The following TBC1D9 variants were observed in gnomAD, a reference collection of about 807,000 sequenced individuals.
TBC1D9 encodes the protein TBC1 domain family member 9A.
Under a neutral mutation model 132.0 loss-of-function variants are expected in TBC1D9, and 63 were observed. The ratio of observed to expected loss-of-function variants is 0.48; its 90% CI spans 0.39 to 0.59. The LOEUF (loss-of-function observed/expected upper bound fraction) is 0.59, where lower values mean the gene tolerates loss of function less well. TBC1D9 is among the 20% of genes least tolerant of loss of function. The pLI, the probability that TBC1D9 is intolerant of heterozygous loss-of-function variation, is 0.00. For missense variants in TBC1D9, 1,261 were observed against 1,592.7 expected, an observed-to-expected ratio of 0.79 and a Z score of 3.54; for synonymous variants, 610 against 609.9, an observed-to-expected ratio of 1.00 and a Z score of 0.00.
intron 2 of TBC1D9, among the ~76,000 whole-genome samples, chr4:140,696,509 T>C (rs957978481): frequency 1.4e-5 from 2 of 147,998 alleles, no homozygotes; most frequent in Non-Finnish European, 3.0e-5. Flanking sequence ...GAAAATAATG[T>C]CTCATCAAAT....
intron 11 of TBC1D9, among the ~76,000 whole-genome samples, chr4:140,659,117 A>G (rs1286070250): frequency 6.6e-6 from 1 of 152,228 alleles, no homozygotes; most frequent in African/African-American, 2.4e-5. Flanking sequence ...TTAAATCCTC[A>G]AAACAGGTGT....
intron 13 of TBC1D9, among the ~76,000 whole-genome samples, chr4:140,654,020 A>C (rs1737228094): frequency 6.6e-6 from 1 of 152,274 alleles, no homozygotes; most frequent in Non-Finnish European, 1.5e-5. Context: ...AAAAAAGCTG[A>C]GTTGCCACAT....
intron 1 of TBC1D9, among the ~76,000 whole-genome samples, chr4:140,713,223 C>A (rs905380217): frequency 3.9e-5 from 6 of 152,024 alleles, no homozygotes; most frequent in Admixed American, 2.0e-4. Context: ...CAGGTGTGAG[C>A]CGCCTCATGG....
At chr4:140,662,488 CT>C (rs1179371103) in intron 9 of TBC1D9, among the ~76,000 whole-genome samples, 1 of 152,196 alleles carries the variant, frequency 6.6e-6, no homozygotes, top group African/African-American at 2.4e-5. Context: ...ACCCCAGCAG[CT>C]TTGCTTTTAT....
intron 7 of TBC1D9, 89 bp from the exon 8 acceptor site, chr4:140,669,893 A>G: frequency 7.7e-7 from 1 of 1,292,766 alleles, no homozygotes; most frequent in East Asian, 2.4e-5. Context: ...ATCAAAAGCT[A>G]CATCATTTTT....
At chr4:140,678,126 C>T (rs1425963263) in intron 5 of TBC1D9, among the ~76,000 whole-genome samples, 1 of 152,188 alleles carries the variant, frequency 6.6e-6, no homozygotes, top group Non-Finnish European at 1.5e-5. Context: ...TGATCCGCTG[C>T]AGTAGCAGCA....
At chr4:140,660,995 A>T (rs1392030110) in intron 10 of TBC1D9, among the ~76,000 whole-genome samples, 1 of 151,818 alleles carries the variant, frequency 6.6e-6, no homozygotes, top group Non-Finnish European at 1.5e-5. Context: ...GCTCATTGCA[A>T]GCTCCACCTC....
chr4:140,746,162 C>T (rs1738833127), intron 1 of TBC1D9, among the ~76,000 whole-genome samples: 1 of 152,140 alleles, frequency 6.6e-6, no homozygotes, highest in Non-Finnish European at 1.5e-5. Flanking sequence ...ATAATGTGAC[C>T]CAACAAAAAC....
chr4:140,643,563 G>T (rs555907284), intron 13 of TBC1D9: 3 of 885,284 alleles, frequency 3.4e-6, no homozygotes, highest in Middle Eastern at 2.4e-4. Context: ...TTCTAGGCTG[G>T]GCTGGGGCTC....
At chr4:140,623,737 T>C (rs531429461) in intron 20 of TBC1D9, among the ~76,000 whole-genome samples, 2 of 152,312 alleles carry the variant, frequency 1.3e-5, no homozygotes, top group Admixed American at 1.3e-4. Context: ...TTATTTATAT[T>C]GTTTTTTTCT....
At chr4:140,701,121 C>T (rs181430486) in intron 2 of TBC1D9, among the ~76,000 whole-genome samples, 18 of 152,312 alleles carry the variant, frequency 1.2e-4, no homozygotes, top group African/African-American at 3.4e-4. Flanking sequence ...GTTGGGCCCA[C>T]GTGACTAGTC....
rs1011715235 is a variant in TBC1D9 at position 140,756,161 on chromosome 4, T to TGCGGCG, written c.-122_-117dup. ...CGCGCCCGCCCGCCCGTCCGCTAGG[T>TGCGGCG]GCGGCGGCGGCGGCGGCAGGCGACT... is the stretch of plus-strand genomic sequence containing the variant. On this transcript the variant is annotated 5_prime_UTR_variant, in exon 1 of 21. Transcript: ENST00000442267. The surrounding 1 kb of genome is among the most constrained non-coding windows in gnomAD (Gnocchi z 5.6). 3.6e-5 allele frequency: 30 copies of TGCGGCG among 822,322 alleles called. No individual in the cohort carries two copies. Among genetic ancestry groups the TGCGGCG allele is most frequent in the Middle Eastern group, 4.0e-4 (1 of 2,496 alleles). 50.9% of individuals were successfully genotyped at this position (822,322 alleles called of 1,614,324 possible). A position where few individuals can be genotyped will look rare whatever the true frequency, so the allele number is the denominator to read the frequency against.
At chr4:140,699,310 C>T (rs925439736) in intron 2 of TBC1D9, among the ~76,000 whole-genome samples, 1 of 152,166 alleles carries the variant, frequency 6.6e-6, no homozygotes, top group East Asian at 1.9e-4. Flanking sequence ...AAAATCCCTA[C>T]TCCTTAAGTA....
At chr4:140,738,314 G>A (rs1738707578) in intron 1 of TBC1D9, among the ~76,000 whole-genome samples, 1 of 152,126 alleles carries the variant, frequency 6.6e-6, no homozygotes, top group Admixed American at 6.6e-5. Context: ...TTTATCTTAT[G>A]TAAAAATGTG....
At chr4:140,752,308 G>T (rs1219208057) in intron 1 of TBC1D9, among the ~76,000 whole-genome samples, 1 of 151,752 alleles carries the variant, frequency 6.6e-6, no homozygotes, top group Non-Finnish European at 1.5e-5. Flanking sequence ...CTGAGCAAAA[G>T]AATCCAGACA....
intron 12 of TBC1D9, 94 bp downstream of exon 12, chr4:140,657,433 G>GATCACCATC: frequency 7.1e-7 from 1 of 1,407,184 alleles, no homozygotes; most frequent in Admixed American, 2.2e-5. Flanking sequence ...CGGGCATTAT[G>GATCACCATC]ATCACCATCA....
chr4:140,634,502 C>T (rs181998255), intron 15 of TBC1D9, among the ~76,000 whole-genome samples: 2 of 152,292 alleles, frequency 1.3e-5, no homozygotes, highest in Admixed American at 6.5e-5. Flanking sequence ...CACTCACATA[C>T]ATTTTAGAAC....
intron 2 of TBC1D9, 88 bp from the exon 3 acceptor site, chr4:140,686,550 C>T (rs560903445): frequency 1.2e-6 from 1 of 803,630 alleles, no homozygotes; most frequent in African/African-American, 1.7e-5. Context: ...TAGTCTATAC[C>T]ATCAAAGGAG....
chr4:140,639,038 G>A (rs748407875), intron 15 of TBC1D9, 48 bp downstream of exon 15: 2 of 1,325,204 alleles, frequency 1.5e-6, no homozygotes, highest in South Asian at 1.4e-5. Context: ...TTATTAAGGT[G>A]AACTCCTTTA....
Sources: allele counts gnomAD v4.1 joint callset (sites outside exome capture counted in the v4.1 genomes callset), GRCh38; gene constraint gnomAD v4.1.1; non-coding constraint Gnocchi (gnomAD v3.1); transcripts MANE v1.5; gene names NCBI Gene and HGNC (gene_info 2026-07-23, HGNC 2026-07-21).